Variants in CPA6 observed in about 807,000 individuals in gnomAD.
CPA6 encodes the protein carboxypeptidase B.
CPA6 carries 58 observed loss-of-function variants against 63.3 expected under a neutral mutation model. The observed-to-expected ratio is 0.92, with a 90% CI of 0.74 to 1.14. CPA6 has a LOEUF of 1.14. Ranked by LOEUF, CPA6 falls within the 50% of genes most tolerant of loss-of-function variation. The pLI is 0.00. For missense variants in CPA6, 565 were observed against 526.6 expected (o/e 1.07, Z -0.71); for synonymous variants, 185 against 179.0 (o/e 1.03, Z -0.27).
chr8:67,729,305 C>T (rs1386367884), intron 1 of CPA6, among the ~76,000 whole-genome samples: 1 of 151,738 alleles, frequency 6.6e-6, no homozygotes, highest in Non-Finnish European at 1.5e-5. Flanking sequence ...ATAAGCTGCT[C>T]GTATTTTTAT....
chr8:67,485,704 A>G (rs1811463541), intron 6 of CPA6, among the ~76,000 whole-genome samples: 1 of 152,244 alleles, frequency 6.6e-6, no homozygotes, highest in Non-Finnish European at 1.5e-5. Flanking sequence ...GAATTTGTTT[A>G]TAACATATAG....
At chr8:67,711,610 C>T (rs1308140614) in intron 1 of CPA6, among the ~76,000 whole-genome samples, 1 of 151,688 alleles carries the variant, frequency 6.6e-6, no homozygotes, top group Non-Finnish European at 1.5e-5. Flanking sequence ...GAACCCTGTC[C>T]CCAAGGGCAG....
chr8:67,452,304 T>C (rs1416470074), intron 8 of CPA6: 4 of 152,268 alleles, frequency 2.6e-5, no homozygotes, highest in African/African-American at 7.2e-5. Context: ...TGGCTTTTCA[T>C]AGGACTTGAC....
At chr8:67,527,525 T>A (rs1178177950) in intron 2 of CPA6, among the ~76,000 whole-genome samples, 1 of 152,182 alleles carries the variant, frequency 6.6e-6, no homozygotes, top group Non-Finnish European at 1.5e-5. Context: ...AATAAAGGGG[T>A]TGAACTGAAC....
chr8:67,488,865 G>C (rs577361223), intron 6 of CPA6, among the ~76,000 whole-genome samples: 1 of 152,040 alleles, frequency 6.6e-6, no homozygotes, highest in African/African-American at 2.4e-5. Flanking sequence ...GTCTGTTATT[G>C]GTGTAAGAAT....
chr8:67,600,171 G>A (rs1814456560), intron 2 of CPA6, among the ~76,000 whole-genome samples: 1 of 151,600 alleles, frequency 6.6e-6, no homozygotes, highest in South Asian at 2.1e-4. Flanking sequence ...CATTTATGCA[G>A]CCAAAAGACA....
At chr8:67,469,466 C>T (rs987118524) in intron 8 of CPA6, among the ~76,000 whole-genome samples, 1 of 152,050 alleles carries the variant, frequency 6.6e-6, no homozygotes, top group Admixed American at 6.6e-5. Flanking sequence ...ATTAGCTGGA[C>T]GTGGTGGTGC....
intron 1 of CPA6, among the ~76,000 whole-genome samples, chr8:67,725,060 T>A (rs1266099299): frequency 1.3e-5 from 2 of 152,208 alleles, no homozygotes; most frequent in Admixed American, 1.3e-4. Flanking sequence ...AGAGTGGAAA[T>A]TCAGTGAAAA....
At chr8:67,555,672 C>G (rs1006253464) in intron 2 of CPA6, among the ~76,000 whole-genome samples, 7 of 152,120 alleles carry the variant, frequency 4.6e-5, no homozygotes, top group African/African-American at 1.7e-4. Flanking sequence ...GCCTGGGCAT[C>G]CCATTTGTAG....
At chr8:67,537,056 T>C (rs1812600503) in intron 2 of CPA6, among the ~76,000 whole-genome samples, 1 of 152,230 alleles carries the variant, frequency 6.6e-6, no homozygotes, top group South Asian at 2.1e-4. Context: ...GACTTGATCA[T>C]GGTGGACAAG....
At position 67,428,080 on chromosome 8, in the gene CPA6, G is replaced by A. The variant is rs764322098; in HGVS notation, c.1093C>T (p.Arg365Ter). ...VNALQSVYGV[R>*]YRYGPASTTL... ...GTGGAGGCTGGTCCATATCTGTATC[G>A]TACCCCGTATACTGACTGAAGTGCA... Residue 365 changes from arginine to a stop codon, truncating the protein, a stop_gained, in exon 10 of 11, where the codon CGA becomes TGA. Coordinates refer to ENST00000297770, the MANE Select transcript of CPA6 (RefSeq NM_020361.5). LOFTEE classifies it high-confidence loss of function. 3.7e-6 allele frequency: 6 copies of A among 1,612,740 alleles called. No individual in the cohort carries two copies. Among genetic ancestry groups the A allele is most frequent in the South Asian group, 1.1e-5 (1 of 91,034 alleles).
At position 67,449,981 on chromosome 8, in the gene CPA6, A is replaced by G. The variant is rs192907785; in HGVS notation, c.839-15741T>C. Among the ~76,000 whole-genome samples the G allele has an allele frequency of 5.3e-3, 801 of 151,934 alleles. 5 individuals are homozygous for G. The highest frequency in any genetic ancestry group is 8.6e-3 in the Non-Finnish European group (585 of 67,948). Reference sequence around the variant, plus strand: ...CAGGTGCACACCACCACGCCCGGATAATTTTTGTATTTTTAGTAGAGACGG... The same window carrying G: ...CAGGTGCACACCACCACGCCCGGATGATTTTTGTATTTTTAGTAGAGACGG... On this transcript the variant is annotated intron_variant, in intron 8 of 10. Transcript: ENST00000297770.
At chr8:67,711,128 A>G (rs1280293173) in intron 1 of CPA6, among the ~76,000 whole-genome samples, 1 of 152,212 alleles carries the variant, frequency 6.6e-6, no homozygotes, top group African/African-American at 2.4e-5. Context: ...CTTTCTGCTC[A>G]GAGTTTAGGA....
chr8:67,693,071 GA>G (rs1236055295), intron 1 of CPA6, among the ~76,000 whole-genome samples: 4 of 152,174 alleles, frequency 2.6e-5, no homozygotes, highest in African/African-American at 9.7e-5. Flanking sequence ...TATTAAGGCT[GA>G]TGACTGCACA....
At chr8:67,514,203 C>A (rs1302835988) in intron 3 of CPA6, among the ~76,000 whole-genome samples, 2 of 152,110 alleles carry the variant, frequency 1.3e-5, no homozygotes, top group Admixed American at 1.3e-4. Context: ...GCTAATCCAC[C>A]CGCCTTAGCC....
chr8:67,544,076 C>A (rs942318978), intron 2 of CPA6, among the ~76,000 whole-genome samples: 1 of 152,180 alleles, frequency 6.6e-6, no homozygotes, highest in African/African-American at 2.4e-5. Context: ...ATATAAGCCA[C>A]GGCATCCAGC....
intron 2 of CPA6, among the ~76,000 whole-genome samples, chr8:67,609,501 C>T (rs575073975): frequency 1.3e-5 from 2 of 152,142 alleles, no homozygotes; most frequent in African/African-American, 4.8e-5. Flanking sequence ...TGAAAGTCAA[C>T]GTTGAATATA....
chr8:67,679,424 C>T (rs1042902631), intron 1 of CPA6, among the ~76,000 whole-genome samples: 1 of 152,166 alleles, frequency 6.6e-6, no homozygotes, highest in Admixed American at 6.5e-5. Context: ...TTCTAGTCAT[C>T]TGCTTTGAAT....
At chr8:67,655,580 CT>C (rs1815964686) in intron 1 of CPA6, among the ~76,000 whole-genome samples, 1 of 152,136 alleles carries the variant, frequency 6.6e-6, no homozygotes, top group Admixed American at 6.6e-5. Flanking sequence ...TTCTTTGGTC[CT>C]GCATTAATCA....
Sources: allele counts gnomAD v4.1 joint callset (sites outside exome capture counted in the v4.1 genomes callset), GRCh38; gene constraint gnomAD v4.1.1; transcripts MANE v1.5; gene names NCBI Gene and HGNC (gene_info 2026-07-23, HGNC 2026-07-21).